Variants in TMEM87A observed in about 807,000 individuals in gnomAD.
TMEM87A encodes the protein transmembrane protein 87A.
A neutral mutation model predicts 90.0 loss-of-function variants in TMEM87A; 50 were observed. That is an observed-to-expected ratio of 0.56 (90% CI 0.44 to 0.70). The LOEUF (loss-of-function observed/expected upper bound fraction) is 0.70, where lower values mean the gene tolerates loss of function less well. TMEM87A is among the 30% of genes least tolerant of loss of function. The pLI is 0.00. For missense variants in TMEM87A, 577 were observed against 660.5 expected (o/e 0.87, Z 1.39); for synonymous variants, 226 against 226.7 (o/e 1.00, Z 0.03).
intron 8 of TMEM87A, among the ~76,000 whole-genome samples, chr15:42,237,996 T>C (rs1381464987): frequency 1.7e-4 from 1 of 5,790 alleles, no homozygotes; most frequent in African/African-American, 2.1e-4. Flanking sequence ...CTCATATGTA[T>C]ATATATATAT....
intron 15 of TMEM87A, among the ~76,000 whole-genome samples, chr15:42,226,103 G>T (rs1048116080): frequency 6.6e-6 from 1 of 151,966 alleles, no homozygotes; most frequent in African/African-American, 2.4e-5. Context: ...AGGTTCAAGC[G>T]ATTCTCCTGC....
rs773504077 is a variant in TMEM87A, at chr15:42,273,263, T to G, written c.136A>C (p.Ile46Leu). ...AADRSKWHIP[I>L]PSGKNYFSFG... ...GTGAAGTGAATACTCACCGACGGTATCGGAATGTGCCATTTGGACCGGTCG... is the reference window on the plus strand; with the variant it reads ...GTGAAGTGAATACTCACCGACGGTAGCGGAATGTGCCATTTGGACCGGTCG... Residue 46 changes from isoleucine to leucine, a missense_variant, in exon 1 of 20, where the codon ATA becomes CTA. Ile to Leu is a conservative substitution (Grantham distance 5). Transcript: ENST00000389834. 3 of 1,614,098 alleles carry G rather than the reference T, an allele frequency of 1.9e-6. No individual in the cohort carries two copies. The South Asian group carries it at 3.3e-5, about 18-fold the overall frequency.
chr15:42,218,703 TC>T (rs2050422487), intron 17 of TMEM87A, among the ~76,000 whole-genome samples: 2 of 152,210 alleles, frequency 1.3e-5, no homozygotes, highest in South Asian at 4.1e-4. Flanking sequence ...TAACATAGTA[TC>T]TTCCAGGCTT....
intron 15 of TMEM87A, chr15:42,226,560 A>T (rs1180734938): frequency 2.1e-5 from 9 of 421,192 alleles, no homozygotes; most frequent in Middle Eastern, 1.3e-3. Context: ...AAGGAACTTC[A>T]TGTTGCTGGG....
intron 19 of TMEM87A, among the ~76,000 whole-genome samples, chr15:42,215,574 T>C (rs1466867759): frequency 6.6e-6 from 1 of 152,078 alleles, no homozygotes; most frequent in Non-Finnish European, 1.5e-5. Flanking sequence ...GATTAAAAAC[T>C]GGGCCAGGGA....
At chr15:42,239,627 A>C in intron 8 of TMEM87A, 43 bp downstream of exon 8, 1 of 1,531,698 alleles carries the variant, frequency 6.5e-7, no homozygotes, top group South Asian at 1.1e-5. Context: ...CTTTGAACCC[A>C]AAACCATCCA....
At chr15:42,222,998 T>C (rs2050522765) in intron 15 of TMEM87A, among the ~76,000 whole-genome samples, 1 of 152,216 alleles carries the variant, frequency 6.6e-6, no homozygotes, top group Non-Finnish European at 1.5e-5. Flanking sequence ...AGATTTTGTA[T>C]GATTAAAAAC....
rs372429687 is a variant in TMEM87A at position 42,264,086 on chromosome 15, T to C, written c.405+4A>G. ...ATTTATCTCCAATCACTTTCAAAGA[T>C]TACCTGTGTTTTAAAGAGTTCACTG... On this transcript the variant is annotated splice_donor_region_variant and intron_variant, in intron 4 of 19. Transcript: ENST00000389834. 4 of 1,606,852 alleles carry C rather than the reference T, an allele frequency of 2.5e-6. No homozygotes were observed. The highest frequency in any genetic ancestry group is 1.3e-5 in the African/African-American group (1 of 74,640).
chr15:42,241,007 G>A (rs1039406282), intron 7 of TMEM87A, among the ~76,000 whole-genome samples: 3 of 152,168 alleles, frequency 2.0e-5, no homozygotes, highest in Non-Finnish European at 4.4e-5. Flanking sequence ...TGTTAATAAA[G>A]TTTTATTGGA....
At chr15:42,246,801 G>A (rs2050981910) in intron 6 of TMEM87A, among the ~76,000 whole-genome samples, 1 of 152,142 alleles carries the variant, frequency 6.6e-6, no homozygotes, top group Non-Finnish European at 1.5e-5. Context: ...TCATTTGGGT[G>A]TATACCCAGT....
In TMEM87A at chr15:42,228,840, T is replaced by C; in HGVS notation, c.1132-20A>G. The C allele has an allele frequency of 2.0e-6, 3 of 1,528,684 alleles. No homozygotes were observed. The highest frequency in any genetic ancestry group is 2.6e-6 in the Non-Finnish European group (3 of 1,135,156). The allele number at this position is 1,528,684 out of a possible 1,614,324, so 94.7% of individuals were successfully genotyped here. On this transcript the variant is annotated intron_variant, in intron 12 of 19. Transcript: ENST00000389834. ...AAATATGTGTTTGCAGGTCAAGGAA[T>C]TCAACATTCAGGAAAAAACAGTAAG...
Position 42,227,703 on chromosome 15 carries a change from T to C in TMEM87A, c.1299+8A>G, listed in dbSNP as rs1333447470. 5 of 1,612,474 alleles carry C rather than the reference T, an allele frequency of 3.1e-6. No homozygotes were observed. The African/African-American group carries it at 4.0e-5, about 13-fold the overall frequency. On this transcript the variant is annotated splice_region_variant and intron_variant, in intron 14 of 19. Transcript: ENST00000389834. Reference sequence around the variant, plus strand: ...AGTACATTATTCATAAATGTGCTTATAACTCACCGACTGACATGTCACTAT... The same window carrying C: ...AGTACATTATTCATAAATGTGCTTACAACTCACCGACTGACATGTCACTAT...
At chr15:42,258,922 T>C (rs1449567908) in intron 6 of TMEM87A, 1 of 1,249,530 alleles carries the variant, frequency 8.0e-7, no homozygotes, top group Non-Finnish European at 1.1e-6. Context: ...AATCAACTTT[T>C]GGAACTTTGG....
In TMEM87A at chr15:42,217,851, T is replaced by C. The variant is rs560016449; in HGVS notation, c.1596-18A>G. ...GAAGTGCTCTGCAAAGAGAGAGAAATACTAAATTGAACAATGTAAAATAAA... is the reference window on the plus strand; with the variant it reads ...GAAGTGCTCTGCAAAGAGAGAGAAACACTAAATTGAACAATGTAAAATAAA... On this transcript the variant is annotated intron_variant, in intron 18 of 19. Coordinates refer to ENST00000389834, the MANE Select transcript of TMEM87A (RefSeq NM_015497.5). 7 of 1,610,916 alleles carry C rather than the reference T, an allele frequency of 4.3e-6. No homozygotes were observed. In the South Asian group the frequency reaches 6.6e-5, roughly 15 times the overall value.
chr15:42,260,910 G>A (rs755232688), intron 6 of TMEM87A, 48 bp downstream of exon 6: 10 of 1,571,494 alleles, frequency 6.4e-6, no homozygotes, highest in Non-Finnish European at 6.0e-6. Flanking sequence ...ACAAATTTAA[G>A]AAAACTAAAA....
At chr15:42,261,070 T>C (rs1177954352) in intron 5 of TMEM87A, 68 bp from the exon 6 acceptor site, 1 of 1,555,256 alleles carries the variant, frequency 6.4e-7, no homozygotes, top group Non-Finnish European at 8.7e-7. Flanking sequence ...CAAGTTCCTG[T>C]AGCCACTGGG....
chr15:42,242,078 G>GA (rs900485332), intron 7 of TMEM87A, among the ~76,000 whole-genome samples: 119 of 111,194 alleles, frequency 1.1e-3, no homozygotes, highest in East Asian at 6.3e-3. Context: ...AAAAAAAAAA[G>GA]AAAAAAAAAA....
Position 42,243,217 on chromosome 15 carries a change from G to T in TMEM87A, c.622+833C>A, listed in dbSNP as rs188208417. The stretch of plus-strand genomic sequence containing the variant: ...CAGGAGGCGGAGCTTGCAGTGAGCC[G>T]AGATTACGCCACTGCACTCTAGCCT... On this transcript the variant is annotated intron_variant, in intron 7 of 19. Coordinates refer to ENST00000389834, the MANE Select transcript of TMEM87A (RefSeq NM_015497.5). Among the ~76,000 whole-genome samples the T allele has an allele frequency of 7.8e-3, 1,187 of 151,752 alleles. 14 individuals carry two copies. Among genetic ancestry groups the T allele is most frequent in the African/African-American group, 0.027 (1,133 of 41,380 alleles).
At chr15:42,228,588 G>C in intron 13 of TMEM87A, 124 bp downstream of exon 13, 1 of 748,616 alleles carries the variant, frequency 1.3e-6, no homozygotes, top group Non-Finnish European at 2.3e-6. Flanking sequence ...TTTGACAAGA[G>C]CTAAGAACCC....
Sources: gnomAD v4.1 joint callset for allele counts (sites outside exome capture counted in the v4.1 genomes callset) on GRCh38, gnomAD v4.1.1 for gene constraint, MANE v1.5 for transcripts, NCBI Gene and HGNC (gene_info 2026-07-23, HGNC 2026-07-21) for gene names.